RMND5A: variants seen among roughly 807,000 people sequenced by gnomAD.
The protein encoded by RMND5A is required for meiotic nuclear division 5 homolog A, also known as E3 ubiquitin-protein transferase RMND5A.
In RMND5A, 17 loss-of-function variants were observed where a neutral mutation model predicts 49.7. The observed-to-expected ratio is 0.34, with a 90% CI of 0.23 to 0.51. RMND5A has a LOEUF of 0.51. RMND5A is among the 20% of genes least tolerant of loss of function. RMND5A has a pLI of 0.96. For synonymous variants in RMND5A, 156 were observed against 167.7 expected, an observed-to-expected ratio of 0.93 and a Z score of 0.54; for missense variants, 255 against 471.3, an observed-to-expected ratio of 0.54 and a Z score of 4.25.
intron 4 of RMND5A, among the ~76,000 whole-genome samples, chr2:86,758,006 G>A (rs776229649): frequency 6.6e-6 from 1 of 152,164 alleles, no homozygotes; most frequent in Non-Finnish European, 1.5e-5. Context: ...ATGCCATTAT[G>A]TCCACCATGG....
At position 86,773,334 on chromosome 2, in the gene RMND5A, T is replaced by A. The variant is rs755475010; in HGVS notation, c.1113-14T>A. Reference sequence around the variant, plus strand: ...GCCTGCTCCTTCACTCAGTGTTTTCTTCTTTGTCTTTAGATTAAAATGTCC... The same window carrying A: ...GCCTGCTCCTTCACTCAGTGTTTTCATCTTTGTCTTTAGATTAAAATGTCC... On this transcript the variant is annotated splice_polypyrimidine_tract_variant and intron_variant, in intron 8 of 8. Transcript: ENST00000283632. 3.2e-6 allele frequency: 5 copies of A among 1,563,132 alleles called. No individual in the cohort carries two copies. In the East Asian group the frequency reaches 1.1e-4, roughly 35 times the overall value.
intron 4 of RMND5A, among the ~76,000 whole-genome samples, chr2:86,762,684 TATATATCATATATATC>T (rs1402650712): frequency 0.016 from 63 of 3,894 alleles, 1 homozygote; most frequent in Admixed American, 0.017. Flanking sequence ...ATATATCATA[TATATATCATATATATC>T]ATATATATCA....
rs553286784 is a variant in RMND5A, at chr2:86,755,792, G to A, written c.521+2234G>A. On this transcript the variant is annotated intron_variant, in intron 4 of 8. Transcript: ENST00000283632. ...TTCCTCTCAGGCAGAGAGAGGACTT[G>A]TTCCATAAGTAAAAATTTTCTCATT... 1.3e-5 allele frequency among the ~76,000 whole-genome samples: 2 copies of A among 152,272 alleles called. 1 individual carries two copies. Among genetic ancestry groups the A allele is most frequent in the South Asian group, 4.1e-4 (2 of 4,828 alleles).
rs1400062210 is a variant in RMND5A, at chr2:86,775,765, A to G, written c.*2354A>G. Reference sequence around the variant, plus strand: ...ATATCTTGTGACCGTCTTCAAGTGCATGGACTTAAAATTCATGAGAGACTA... The same window carrying G: ...ATATCTTGTGACCGTCTTCAAGTGCGTGGACTTAAAATTCATGAGAGACTA... On this transcript the variant is annotated 3_prime_UTR_variant, in exon 9 of 9. Coordinates refer to ENST00000283632, the MANE Select transcript of RMND5A (RefSeq NM_022780.4). 6.6e-6 allele frequency: 1 copy of G among 152,194 alleles called. No homozygotes were observed. Among genetic ancestry groups the G allele is most frequent in the Non-Finnish European group, 1.5e-5 (1 of 68,036 alleles). The allele number at this position is 152,194 out of a possible 1,614,324, so 9.4% of individuals were successfully genotyped here.
At chr2:86,769,507 C>CA (rs1259414892) in intron 6 of RMND5A, among the ~76,000 whole-genome samples, 1 of 152,222 alleles carries the variant, frequency 6.6e-6, no homozygotes, top group African/African-American at 2.4e-5. Flanking sequence ...CCTTCAAACT[C>CA]AGATGCTAAA....
chr2:86,764,956 G>T, intron 4 of RMND5A, 71 bp from the exon 5 acceptor site: 5 of 1,448,072 alleles, frequency 3.5e-6, no homozygotes, highest in Admixed American at 2.4e-5. Flanking sequence ...TGTTTTACTG[G>T]GTTTCAAATA....
At chr2:86,750,152 T>C (rs1251005099) in intron 2 of RMND5A, among the ~76,000 whole-genome samples, 1 of 152,206 alleles carries the variant, frequency 6.6e-6, no homozygotes, top group Non-Finnish European at 1.5e-5. Flanking sequence ...CTATGAAAGA[T>C]AAAGGGTGCT....
intron 6 of RMND5A, among the ~76,000 whole-genome samples, chr2:86,768,781 T>C (rs552109868): frequency 1.3e-4 from 20 of 152,108 alleles, no homozygotes. Flanking sequence ...GAGAAATGAG[T>C]GCTTCCACCC....
intron 2 of RMND5A, 146 bp from the exon 3 acceptor site, chr2:86,751,750 G>A: frequency 3.5e-6 from 2 of 578,174 alleles, no homozygotes; most frequent in Non-Finnish European, 5.8e-6. Context: ...GAAAGGAGCA[G>A]TGGAAAAATT....
At chr2:86,764,886 G>A in intron 4 of RMND5A, 141 bp from the exon 5 acceptor site, 1 of 692,710 alleles carries the variant, frequency 1.4e-6, no homozygotes, top group Non-Finnish European at 2.4e-6. Context: ...ACAAAGGTCT[G>A]GGCCCTAGGG....
At chr2:86,721,609 GT>G (rs538337443) in intron 1 of RMND5A, among the ~76,000 whole-genome samples, 32 of 146,052 alleles carry the variant, frequency 2.2e-4, no homozygotes, top group African/African-American at 3.0e-4. Flanking sequence ...CACCTAGATT[GT>G]TTTTTTTTTT....
Position 86,725,968 on chromosome 2 carries a change from T to C in RMND5A, c.142+5159T>C, listed in dbSNP as rs1162742291. 5.2e-5 allele frequency among the ~76,000 whole-genome samples: 4 copies of C among 76,358 alleles called. 2 individuals carry two copies. Among genetic ancestry groups the C allele is most frequent in the Non-Finnish European group, 1.1e-4 (4 of 37,826 alleles). The allele number at this position is 76,358 out of a possible 152,430, so 50.1% of individuals were successfully genotyped here. A position where few individuals can be genotyped will look rare whatever the true frequency, so the allele number is the denominator to read the frequency against. ...TATCTCTTTGGTGAATCAAAGAAAC[T>C]GTTGAAACTTTGGTTACCAGTTGGA... On this transcript the variant is annotated intron_variant, in intron 1 of 8. Transcript: ENST00000283632.
chr2:86,759,812 G>A (rs187084810), intron 4 of RMND5A, among the ~76,000 whole-genome samples: 27 of 151,938 alleles, frequency 1.8e-4, no homozygotes, highest in Admixed American at 6.6e-4. Flanking sequence ...AAACAAAAAC[G>A]TGGGGAGGAA....
chr2:86,741,740 TC>T (rs1193077776), intron 2 of RMND5A, among the ~76,000 whole-genome samples: 1 of 151,328 alleles, frequency 6.6e-6, no homozygotes, highest in African/African-American at 2.4e-5. Flanking sequence ...GAGAAGTAGT[TC>T]AAGGTTACTG....
chr2:86,762,289 C>A (rs573932955), intron 4 of RMND5A, among the ~76,000 whole-genome samples: 61 of 152,244 alleles, frequency 4.0e-4, no homozygotes, highest in African/African-American at 1.5e-3. Flanking sequence ...ATAAATAATG[C>A]TTGAAATCCC....
At chr2:86,732,371 G>A (rs1681346357) in intron 1 of RMND5A, among the ~76,000 whole-genome samples, 2 of 149,944 alleles carry the variant, frequency 1.3e-5, no homozygotes, top group East Asian at 1.9e-4. Context: ...CAGATACTGA[G>A]TAGGGATGAG....
At chr2:86,732,777 C>G (rs904063962) in intron 1 of RMND5A, among the ~76,000 whole-genome samples, 1 of 123,770 alleles carries the variant, frequency 8.1e-6, no homozygotes, top group African/African-American at 3.8e-5. Context: ...AGTCAGAGCA[C>G]AAGCCCATTA....
At chr2:86,735,412 A>G (rs376926106) in intron 1 of RMND5A, among the ~76,000 whole-genome samples, 1 of 74,310 alleles carries the variant, frequency 1.3e-5, no homozygotes, top group Non-Finnish European at 2.6e-5. Context: ...CTGATAGCCA[A>G]TCTTGTGGGC....
chr2:86,768,141 A>T (rs756790490), intron 6 of RMND5A, among the ~76,000 whole-genome samples: 1 of 152,266 alleles, frequency 6.6e-6, no homozygotes, highest in South Asian at 2.1e-4. Flanking sequence ...TCTCATTTTA[A>T]TTTCTAATGT....
Sources: allele counts gnomAD v4.1 joint callset (sites outside exome capture counted in the v4.1 genomes callset), GRCh38; gene constraint gnomAD v4.1.1; transcripts MANE v1.5; gene names NCBI Gene and HGNC (gene_info 2026-07-23, HGNC 2026-07-21).